Variants in DSCAML1 observed in about 807,000 individuals in gnomAD.
DSCAML1 encodes the protein cell adhesion molecule DSCAML1.
In DSCAML1, 38 loss-of-function variants were observed where a neutral mutation model predicts 200.5. The ratio of observed to expected loss-of-function variants is 0.19; its 90% CI spans 0.15 to 0.25. DSCAML1 has a LOEUF of 0.25. DSCAML1 is among the 10% of genes least tolerant of loss of function. The pLI, the probability that DSCAML1 is intolerant of heterozygous loss-of-function variation, is 1.00. For synonymous variants in DSCAML1, 1,215 were observed against 1,165.0 expected, an observed-to-expected ratio of 1.04 and a Z score of -0.87; for missense variants, 2,223 against 2,858.8, an observed-to-expected ratio of 0.78 and a Z score of 5.07.
At chr11:117,431,432 C>A (rs945683954) in intron 31 of DSCAML1, 102 bp downstream of exon 31, 3 of 1,124,672 alleles carry the variant, frequency 2.7e-6, no homozygotes, top group Non-Finnish European at 3.7e-6. Context: ...TGCCTTGGGC[C>A]CCATGAGCTG....
At chr11:117,784,917 G>A (rs2055323343) in intron 1 of DSCAML1, among the ~76,000 whole-genome samples, 1 of 152,174 alleles carries the variant, frequency 6.6e-6, no homozygotes, top group African/African-American at 2.4e-5. Context: ...TCTCCCTGAG[G>A]GGTCGAGGGT....
At chr11:117,441,013 G>T (rs1163135201) in intron 21 of DSCAML1, among the ~76,000 whole-genome samples, 1 of 152,024 alleles carries the variant, frequency 6.6e-6, no homozygotes, top group Non-Finnish European at 1.5e-5. Context: ...TTGGTGGAGG[G>T]GGTCCTGGAG....
chr11:117,749,304 C>T (rs2054565643), intron 3 of DSCAML1, among the ~76,000 whole-genome samples: 1 of 152,204 alleles, frequency 6.6e-6, no homozygotes, highest in Non-Finnish European at 1.5e-5. Flanking sequence ...AAACAATCTG[C>T]TGCCTGCCTC....
intron 1 of DSCAML1, among the ~76,000 whole-genome samples, chr11:117,796,372 CAAGCCGGGGCTA>C (rs974914344): frequency 2.0e-5 from 3 of 152,204 alleles, no homozygotes; most frequent in Non-Finnish European, 4.4e-5. Flanking sequence ...GGTGGCGCAC[CAAGCCGGGGCTA>C]AAGCCGGGGC....
intron 3 of DSCAML1, among the ~76,000 whole-genome samples, chr11:117,674,983 C>T (rs918157787): frequency 1.3e-5 from 2 of 152,114 alleles, no homozygotes; most frequent in African/African-American, 4.8e-5. Context: ...GAGTGGCGTG[C>T]TTAAGAGAGC....
chr11:117,728,240 A>G (rs374983244), intron 3 of DSCAML1, among the ~76,000 whole-genome samples: 15 of 152,248 alleles, frequency 9.9e-5, no homozygotes, highest in East Asian at 9.6e-4. Flanking sequence ...CTCCTTCATG[A>G]CAAAAACACT....
intron 3 of DSCAML1, among the ~76,000 whole-genome samples, chr11:117,624,590 G>C (rs77314777): frequency 1.3e-5 from 2 of 151,908 alleles, no homozygotes; most frequent in Non-Finnish European, 2.9e-5. Context: ...ACTCACATGC[G>C]CACTCGTGGC....
chr11:117,809,500 C>T (rs1331976076), intron 1 of DSCAML1, among the ~76,000 whole-genome samples: 2 of 152,354 alleles, frequency 1.3e-5, no homozygotes, highest in Non-Finnish European at 2.9e-5. Context: ...TGCCACAGGA[C>T]AGGATGGTGG....
intron 3 of DSCAML1, among the ~76,000 whole-genome samples, chr11:117,676,589 AC>A (rs1159331918): frequency 1.3e-5 from 2 of 152,092 alleles, no homozygotes; most frequent in Middle Eastern, 3.4e-3. Context: ...GTCCTTCCTA[AC>A]CCCTCAGAAG....
At position 117,458,839 on chromosome 11, in the gene DSCAML1, G is replaced by A. The variant is rs1161723428; in HGVS notation, c.3483C>T (p.Thr1161=). The A allele has an allele frequency of 6.2e-7, 1 of 1,614,062 alleles. No homozygotes were observed. The highest frequency in any genetic ancestry group is 1.1e-5 in the South Asian group (1 of 91,086). Residue 1161 remains threonine, a synonymous_variant, in exon 19 of 33, where the codon ACC becomes ACT. Transcript: ENST00000651296. ...AGGCCAGCACCTGGACGCTGTAGTTGGTGAACTTCTCCATGCCCCGCAGCT... is the reference window on the plus strand; with the variant it reads ...AGGCCAGCACCTGGACGCTGTAGTTAGTGAACTTCTCCATGCCCCGCAGCT... ...RVELRGMEKF[T]NYSVQVLAYT... is the part of the protein sequence containing the mutation.
intron 20 of DSCAML1, among the ~76,000 whole-genome samples, chr11:117,450,048 G>T (rs1033892349): frequency 6.6e-6 from 1 of 152,196 alleles, no homozygotes; most frequent in Non-Finnish European, 1.5e-5. Flanking sequence ...CTGAGCCCAG[G>T]CCCTGGTCGA....
intron 3 of DSCAML1, among the ~76,000 whole-genome samples, chr11:117,755,631 A>G (rs1591475977): frequency 6.6e-6 from 1 of 152,214 alleles, no homozygotes; most frequent in Admixed American, 6.5e-5. Flanking sequence ...CAAGTCAGAA[A>G]TGCAAAAAGG....
At chr11:117,694,176 A>G (rs12285200) in intron 3 of DSCAML1, among the ~76,000 whole-genome samples, 22,854 of 150,666 alleles carry the variant, frequency 0.15, 2,611 homozygotes, top group African/African-American at 0.32. Flanking sequence ...GCTGAGGTGG[A>G]TGGATCACTT....
At chr11:117,481,585 AG>A (rs1427595957) in intron 12 of DSCAML1, among the ~76,000 whole-genome samples, 155 of 8,656 alleles carry the variant, frequency 0.018, 3 homozygotes, top group African/African-American at 0.091. Context: ...GGAGGGGCTG[AG>A]GGGGGGGTCC....
chr11:117,811,143 T>C (rs1375397918), intron 1 of DSCAML1, among the ~76,000 whole-genome samples: 4 of 152,212 alleles, frequency 2.6e-5, no homozygotes, highest in Admixed American at 1.3e-4. Context: ...AAAGGCATAG[T>C]CAAGGTTAAT....
chr11:117,638,684 C>T (rs1018645796), intron 3 of DSCAML1, among the ~76,000 whole-genome samples: 4 of 152,272 alleles, frequency 2.6e-5, no homozygotes, highest in African/African-American at 9.6e-5. Context: ...AAGGCACATC[C>T]ACGTCACAAC....
chr11:117,512,045 G>A (rs538024095), intron 8 of DSCAML1, among the ~76,000 whole-genome samples: 2 of 152,318 alleles, frequency 1.3e-5, no homozygotes, highest in East Asian at 1.9e-4. Context: ...TTGTTTTTCC[G>A]GCTCATGGAG....
chr11:117,755,612 T>C (rs1455517642), intron 3 of DSCAML1, among the ~76,000 whole-genome samples: 1 of 152,182 alleles, frequency 6.6e-6, no homozygotes, highest in Non-Finnish European at 1.5e-5. Flanking sequence ...TACAATCAAA[T>C]TACAGAGTCA....
intron 23 of DSCAML1, 51 bp downstream of exon 23, chr11:117,439,215 C>G (rs373878579): frequency 1.2e-6 from 2 of 1,600,690 alleles, no homozygotes; most frequent in African/African-American, 2.7e-5. Flanking sequence ...AATCCCTACC[C>G]TTTCTCCATC....
Sources: allele counts gnomAD v4.1 joint callset (sites outside exome capture counted in the v4.1 genomes callset), GRCh38; gene constraint gnomAD v4.1.1; transcripts MANE v1.5; gene names NCBI Gene and HGNC (gene_info 2026-07-23, HGNC 2026-07-21).